EBF3: variants seen among roughly 807,000 people sequenced by gnomAD.
EBF3 encodes the protein transcription factor COE3.
A neutral mutation model predicts 77.1 loss-of-function variants in EBF3; 18 were observed. The observed-to-expected ratio is 0.23, with a 90% CI of 0.16 to 0.35. The LOEUF is 0.35. Ranked by LOEUF, EBF3 falls within the 10% of genes least tolerant of loss-of-function variation. The pLI is 1.00. For missense variants in EBF3, 558 were observed against 860.0 expected (o/e 0.65, Z 4.39); for synonymous variants, 350 against 343.5 (o/e 1.02, Z -0.21).
chr10:129,933,411 C>T (rs1003771706), intron 6 of EBF3, among the ~76,000 whole-genome samples: 1 of 152,252 alleles, frequency 6.6e-6, no homozygotes, highest in African/African-American at 2.4e-5. Flanking sequence ...TTGTTGAAAA[C>T]TCAGACTGGC....
intron 10 of EBF3, among the ~76,000 whole-genome samples, chr10:129,851,357 A>AC (rs1219258772): frequency 6.6e-6 from 1 of 152,134 alleles, no homozygotes; most frequent in Non-Finnish European, 1.5e-5. Context: ...CCCCACCCTC[A>AC]CATCTGTCAG....
At chr10:129,839,599 T>C (rs761606091) in intron 15 of EBF3, among the ~76,000 whole-genome samples, 20 of 152,222 alleles carry the variant, frequency 1.3e-4, no homozygotes, top group Non-Finnish European at 2.6e-4. Context: ...CAGACAGGAC[T>C]GCAACCTGGT....
chr10:129,895,971 G>A (rs1854342175), intron 6 of EBF3, among the ~76,000 whole-genome samples: 1 of 152,224 alleles, frequency 6.6e-6, no homozygotes, highest in African/African-American at 2.4e-5. Flanking sequence ...AAGAAATGCT[G>A]TACAGGTTTT....
intron 6 of EBF3, among the ~76,000 whole-genome samples, chr10:129,906,433 C>T (rs78092407): frequency 2.0e-4 from 31 of 152,284 alleles, no homozygotes; most frequent in African/African-American, 6.7e-4. Context: ...TGAATTTCCG[C>T]GCCCTGTACA....
chr10:129,891,028 T>C (rs1409901031), intron 6 of EBF3, among the ~76,000 whole-genome samples: 10 of 152,216 alleles, frequency 6.6e-5, no homozygotes, highest in Admixed American at 4.6e-4. Flanking sequence ...CCTGAGTATT[T>C]TATTATTTGT....
chr10:129,866,609 G>A lies in EBF3; in HGVS notation c.1039+532C>T, dbSNP rs149007379. Among the ~76,000 whole-genome samples, 655 of 152,304 alleles carry A rather than the reference G, an allele frequency of 4.3e-3. 9 individuals are homozygous for A. Among genetic ancestry groups the A allele is most frequent in the African/African-American group, 0.015 (622 of 41,574 alleles). ...ATACGGATCTCCTTTAGGAAGCAGC[G>A]TCATGCAGGGTTCAAGACCCCAGGC... On this transcript the variant is annotated intron_variant, in intron 10 of 16. Coordinates refer to ENST00000440978, the MANE Select transcript of EBF3 (RefSeq NM_001375380.1).
intron 6 of EBF3, among the ~76,000 whole-genome samples, chr10:129,887,237 T>C (rs1853671916): frequency 6.6e-6 from 1 of 152,208 alleles, no homozygotes; most frequent in East Asian, 1.9e-4. Context: ...TTTTCTGTTT[T>C]TGTGACAAGC....
intron 8 of EBF3, among the ~76,000 whole-genome samples, chr10:129,871,381 C>T (rs1367832210): frequency 6.6e-6 from 1 of 152,214 alleles, no homozygotes; most frequent in Non-Finnish European, 1.5e-5. Flanking sequence ...TGGCAGACAT[C>T]CACAGCAGCA....
At chr10:129,892,044 G>T (rs560788908) in intron 6 of EBF3, among the ~76,000 whole-genome samples, 1 of 152,232 alleles carries the variant, frequency 6.6e-6, no homozygotes, top group Non-Finnish European at 1.5e-5. Context: ...TCTGGCCAAC[G>T]GCCTGCCTGA....
rs1456017483 is a variant in EBF3 at position 129,870,292 on chromosome 10, G to A, written c.782-2380C>T. On this transcript the variant is annotated intron_variant, in intron 8 of 16. Transcript: ENST00000440978. The surrounding 1 kb of genome is among the most constrained non-coding windows in gnomAD (Gnocchi z 4.4). Reference sequence around the variant, plus strand: ...AAAATGAATTACACAGACAGCGTTAGAGATCTAATGATATACGCGCACAAT... The same window carrying A: ...AAAATGAATTACACAGACAGCGTTAAAGATCTAATGATATACGCGCACAAT... Among the ~76,000 whole-genome samples, 1 of 152,098 alleles carries A rather than the reference G, an allele frequency of 6.6e-6. No homozygotes were observed. Among genetic ancestry groups the A allele is most frequent in the Admixed American group, 6.5e-5 (1 of 15,272 alleles).
In EBF3 at chr10:129,836,143, C is replaced by T. The variant is rs910144840; in HGVS notation, c.*1800G>A. 6.6e-6 allele frequency: 1 copy of T among 152,556 alleles called. No homozygotes were observed. The highest frequency in any genetic ancestry group is 2.1e-4 in the South Asian group (1 of 4,816). The allele number at this position is 152,556 out of a possible 1,614,324, so 9.5% of individuals were successfully genotyped here. Reference sequence around the variant, plus strand: ...TTTTTGTGTGTGTTTGTGTGTTTTACACCATACATCTCCAAATGAAGTATT... The same window carrying T: ...TTTTTGTGTGTGTTTGTGTGTTTTATACCATACATCTCCAAATGAAGTATT... On this transcript the variant is annotated 3_prime_UTR_variant, in exon 17 of 17. Transcript: ENST00000440978.
rs1215501434 is a variant in EBF3 at position 129,835,918 on chromosome 10, G to A, written c.*2025C>T. 2.0e-5 allele frequency: 3 copies of A among 152,026 alleles called. No individual in the cohort carries two copies. The highest frequency in any genetic ancestry group is 4.4e-5 in the Non-Finnish European group (3 of 67,964). The allele number at this position is 152,026 out of a possible 1,614,324, so 9.4% of individuals were successfully genotyped here. A position where few individuals can be genotyped will look rare whatever the true frequency, so the allele number is the denominator to read the frequency against. On this transcript the variant is annotated 3_prime_UTR_variant, in exon 17 of 17. Transcript: ENST00000440978. ...GGCACTAAGAGGCACGATATCTGAA[G>A]GAGGTCATTCCAGTTTTAAAAGTAC...
chr10:129,918,437 G>T (rs998813920), intron 6 of EBF3, among the ~76,000 whole-genome samples: 1 of 152,226 alleles, frequency 6.6e-6, no homozygotes, highest in Non-Finnish European at 1.5e-5. Context: ...ATTAGATCTG[G>T]AGGAAGATCA....
intron 6 of EBF3, among the ~76,000 whole-genome samples, chr10:129,888,555 C>T (rs149416414): frequency 1.6e-4 from 25 of 152,278 alleles, no homozygotes; most frequent in Non-Finnish European, 3.1e-4. Context: ...GAAAGAAGGC[C>T]GGGGCCACGA....
Position 129,837,844 on chromosome 10 carries a change from C to T in EBF3, c.*99G>A. Reference sequence around the variant, plus strand: ...GCTGATTTTTTTGAAGATACTGTTTCCATCAGCATGTCTTAATATACTAAA... The same window carrying T: ...GCTGATTTTTTTGAAGATACTGTTTTCATCAGCATGTCTTAATATACTAAA... On this transcript the variant is annotated 3_prime_UTR_variant, in exon 17 of 17. Transcript: ENST00000440978. 1.3e-6 allele frequency: 2 copies of T among 1,503,622 alleles called. No homozygotes were observed. Among genetic ancestry groups the T allele is most frequent in the South Asian group, 2.3e-5 (2 of 85,934 alleles). 93.1% of individuals were successfully genotyped at this position (1,503,622 alleles called of 1,614,324 possible).
intron 6 of EBF3, among the ~76,000 whole-genome samples, chr10:129,908,754 T>G (rs938901223): frequency 2.0e-5 from 3 of 152,232 alleles, no homozygotes; most frequent in African/African-American, 7.2e-5. Flanking sequence ...TGTGGCTGCC[T>G]GTCTGAGTTC....
chr10:129,843,244 G>A (rs373572583), intron 11 of EBF3, 42 bp from the exon 12 acceptor site: 347 of 1,579,984 alleles, frequency 2.2e-4, no homozygotes, highest in Non-Finnish European at 2.8e-4. Flanking sequence ...GGGAGGAACC[G>A]GCCAGTTATC....
intron 8 of EBF3, among the ~76,000 whole-genome samples, chr10:129,872,539 T>C (rs1387790604): frequency 6.6e-6 from 1 of 152,226 alleles, no homozygotes; most frequent in Non-Finnish European, 1.5e-5. Context: ...CTCTCGAATG[T>C]GGGACCTCGG....
At chr10:129,844,481 GC>G (rs1850313041) in intron 11 of EBF3, among the ~76,000 whole-genome samples, 1 of 152,036 alleles carries the variant, frequency 6.6e-6, no homozygotes, top group Non-Finnish European at 1.5e-5. Context: ...TGGGAAGCAG[GC>G]CCGTAATGAC....
Sources: allele counts gnomAD v4.1 joint callset (sites outside exome capture counted in the v4.1 genomes callset), GRCh38; gene constraint gnomAD v4.1.1; non-coding constraint Gnocchi (gnomAD v3.1); transcripts MANE v1.5; gene names NCBI Gene and HGNC (gene_info 2026-07-23, HGNC 2026-07-21).